ABCC6: variants seen among roughly 807,000 people sequenced by gnomAD.
ABCC6 encodes ATP binding cassette subfamily C member 6.
A neutral mutation model predicts 169.5 loss-of-function variants in ABCC6; 126 were observed. The ratio of observed to expected loss-of-function variants is 0.74; its 90% confidence interval spans 0.64 to 0.86. The LOEUF (loss-of-function observed/expected upper bound fraction) is 0.86, where lower values mean the gene tolerates loss of function less well. Ranked by LOEUF, ABCC6 falls within the 40% of genes least tolerant of loss-of-function variation. The pLI, the probability that ABCC6 is intolerant of heterozygous loss-of-function variation, is 0.00. For synonymous variants in ABCC6, 752 were observed against 814.7 expected (o/e 0.92, Z 1.31); for missense variants, 1,733 against 1,927.2 (o/e 0.90, Z 1.89).
In ABCC6 at chr16:16,157,659, T is replaced by A. The variant is rs1460014017; in HGVS notation, c.3882+4A>T. On this transcript the variant is annotated splice_donor_region_variant and intron_variant, in intron 27 of 30. Transcript: ENST00000205557. ...GAAGAAGACATTGTGAGAGAACCACTCACCTTCTCTCCTGCGTGGATCTTG... is the reference window on the plus strand; with the variant it reads ...GAAGAAGACATTGTGAGAGAACCACACACCTTCTCTCCTGCGTGGATCTTG... 3.7e-6 allele frequency: 6 copies of A among 1,613,986 alleles called. No individual in the cohort carries two copies. In the African/African-American group the frequency reaches 6.7e-5, roughly 18 times the overall value.
intron 18 of ABCC6, among the ~76,000 whole-genome samples, 196 bp downstream of exon 18, chr16:16,178,602 A>T (rs1243439896): frequency 6.6e-6 from 1 of 152,102 alleles, no homozygotes; most frequent in East Asian, 1.9e-4. Flanking sequence ...ATAAGGAAGA[A>T]ACACCTGCTG....
At chr16:16,171,204 C>T (rs1248127995) in intron 21 of ABCC6, among the ~76,000 whole-genome samples, 1 of 151,918 alleles carries the variant, frequency 6.6e-6, no homozygotes, top group African/African-American at 2.4e-5. Flanking sequence ...TAGGGTTTCT[C>T]AGTGGTCTCT....
chr16:16,193,174 C>T (rs915274907), intron 10 of ABCC6, among the ~76,000 whole-genome samples: 8 of 152,120 alleles, frequency 5.3e-5, no homozygotes, highest in Non-Finnish European at 8.8e-5. Context: ...CCACCAAAAC[C>T]AAGATGGCTA....
chr16:16,188,225 CAA>C (rs34901331), intron 13 of ABCC6, among the ~76,000 whole-genome samples: 9 of 125,640 alleles, frequency 7.2e-5, no homozygotes, highest in Admixed American at 1.6e-4. Context: ...ACTAAAAATA[CAA>C]AAAAAAAAAA....
chr16:16,181,017 G>A (rs758007826), intron 17 of ABCC6, among the ~76,000 whole-genome samples: 1 of 152,122 alleles, frequency 6.6e-6, no homozygotes, highest in Non-Finnish European at 1.5e-5. Flanking sequence ...TAGTAAAGCA[G>A]GGGGAGCCAG....
intron 13 of ABCC6, 48 bp from the exon 14 acceptor site, chr16:16,187,259 T>C (rs1168666521): frequency 2.6e-6 from 4 of 1,536,816 alleles, no homozygotes; most frequent in Non-Finnish European, 2.7e-6. Context: ...AGCAAAGAAC[T>C]CAGGTTTTGG....
chr16:16,208,763 T>C lies in ABCC6; in HGVS notation c.759A>G (p.Glu253=), dbSNP rs1288936970. ...CACTGCGGTTCCTCATCCACTCCTT[T>C]TCAAGCCGGGAAACAAGTTCTTCTG... ...NSSEELVSRL[E]KEWMRNRSAA... is the part of the protein sequence containing the mutation. The change falls in exon 7 of 31, where the codon GAA becomes GAG. Residue 253 remains glutamate, a synonymous_variant. Transcript: ENST00000205557. 6.2e-6 allele frequency: 10 copies of C among 1,613,478 alleles called. No individual in the cohort carries two copies. The highest frequency in any genetic ancestry group is 1.3e-5 in the African/African-American group (1 of 74,782).
chr16:16,188,774 G>T, intron 13 of ABCC6, 57 bp downstream of exon 13: 7 of 1,577,154 alleles, frequency 4.4e-6, no homozygotes, highest in Non-Finnish European at 6.0e-6. Flanking sequence ...GGAAGCTGGA[G>T]CCAGGTGTAG....
At chr16:16,172,024 T>TGG (rs1234574245) in intron 21 of ABCC6, among the ~76,000 whole-genome samples, 71 of 140,714 alleles carry the variant, frequency 5.0e-4, no homozygotes, top group African/African-American at 5.9e-4. Flanking sequence ...GATGGATAAA[T>TGG]GAGTAGGTGG....
At chr16:16,186,792 G>A (rs1172450508) in intron 14 of ABCC6, among the ~76,000 whole-genome samples, 2 of 151,828 alleles carry the variant, frequency 1.3e-5, no homozygotes, top group Admixed American at 6.6e-5. Context: ...AAAACCACGC[G>A]CCTCTCCCCG....
rs200316230 is a variant in ABCC6, at chr16:16,182,945, G to A, written c.1944-15C>T. On this transcript the variant is annotated splice_polypyrimidine_tract_variant and intron_variant, in intron 15 of 30. Coordinates refer to ENST00000205557, the MANE Select transcript of ABCC6 (RefSeq NM_001171.6). ...TGAGGTTTATTCTGGACACGCAAGA[G>A]GGGAGACATGACCTTGGTTAGGGTT... is the stretch of plus-strand genomic sequence containing the variant. 6 of 1,614,184 alleles carry A rather than the reference G, an allele frequency of 3.7e-6. No homozygotes were observed. The highest frequency in any genetic ancestry group is 5.1e-6 in the Non-Finnish European group (6 of 1,180,026).
chr16:16,221,490 T>C (rs2049071782), intron 2 of ABCC6, 159 bp downstream of exon 2: 2 of 1,468,914 alleles, frequency 1.4e-6, no homozygotes, highest in African/African-American at 2.8e-5. Context: ...TTCCACTGAG[T>C]TGACCTCTGT....
In ABCC6 at chr16:16,182,755, GA is replaced by G. The variant is rs564071251; in HGVS notation, c.2070+48del. 87 of 1,612,172 alleles carry G rather than the reference GA, an allele frequency of 5.4e-5. 1 individual carries two copies. In the African/African-American group the frequency reaches 1.1e-3, roughly 20 times the overall value. ...GGGTGGGAAGGCAGCGAGGAAGTGG[GA>G]CTTTCAGGATGGGGACATCCTAGCA... On this transcript the variant is annotated intron_variant, in intron 16 of 30. Transcript: ENST00000205557.
intron 12 of ABCC6, among the ~76,000 whole-genome samples, chr16:16,189,721 G>A (rs1314941625): frequency 1.3e-5 from 2 of 152,058 alleles, no homozygotes; most frequent in African/African-American, 4.8e-5. Context: ...CCCAGCCTAC[G>A]TATCAAATTT....
At chr16:16,174,222 C>G (rs1460016690) in intron 20 of ABCC6, among the ~76,000 whole-genome samples, 1 of 152,196 alleles carries the variant, frequency 6.6e-6, no homozygotes, top group African/African-American at 2.4e-5. Flanking sequence ...AGACTGCAAC[C>G]TACTCCTGTG....
intron 2 of ABCC6, among the ~76,000 whole-genome samples, chr16:16,220,789 C>T (rs2049045116): frequency 1.3e-5 from 2 of 151,256 alleles, no homozygotes; most frequent in African/African-American, 2.4e-5. Context: ...CCCAGCTACT[C>T]GGGAAGCTGA....
At chr16:16,183,209 C>A (rs1040936619) in intron 15 of ABCC6, among the ~76,000 whole-genome samples, 1 of 151,990 alleles carries the variant, frequency 6.6e-6, no homozygotes, top group Non-Finnish European at 1.5e-5. Flanking sequence ...GGGCACGCAT[C>A]CACACACACA....
intron 26 of ABCC6, among the ~76,000 whole-genome samples, chr16:16,158,472 T>A (rs1230676442): frequency 6.6e-6 from 1 of 152,064 alleles, no homozygotes; most frequent in African/African-American, 2.4e-5. Flanking sequence ...ATCCCATCCC[T>A]CCATCTCTCA....
In ABCC6 at chr16:16,185,018, G is replaced by A; in HGVS notation, c.1884C>T (p.Cys628=). Residue 628 remains cysteine, a synonymous_variant, in exon 15 of 31, where the codon TGC becomes TGT. Transcript: ENST00000205557. ...SSSGSAAGKD[C]ITIHSATFAW... ...CGAAGGTGGCACTGTGTATGGTGATGCAATCCTTCCCGGCAGCTGCAGGGC... is the reference window on the plus strand; with the variant it reads ...CGAAGGTGGCACTGTGTATGGTGATACAATCCTTCCCGGCAGCTGCAGGGC... 1 of 1,613,670 alleles carries A rather than the reference G, an allele frequency of 6.2e-7. No individual in the cohort carries two copies.
Sources: gnomAD v4.1 joint callset for allele counts (sites outside exome capture counted in the v4.1 genomes callset) on GRCh38, gnomAD v4.1.1 for gene constraint, MANE v1.5 for transcripts, NCBI Gene and HGNC (gene_info 2026-07-23, HGNC 2026-07-21) for gene names.